Variants in DPY19L3 observed in about 807,000 individuals in gnomAD.
DPY19L3 encodes protein C-mannosyl-transferase DPY19L3.
Under a neutral mutation model 92.3 loss-of-function variants are expected in DPY19L3, and 51 were observed. That is an observed-to-expected ratio of 0.55 (90% CI 0.44 to 0.70). The LOEUF (loss-of-function observed/expected upper bound fraction) is 0.70, where lower values mean the gene tolerates loss of function less well. Ranked by LOEUF, DPY19L3 falls within the 30% of genes least tolerant of loss-of-function variation. The pLI, the probability that DPY19L3 is intolerant of heterozygous loss-of-function variation, is 0.00. For synonymous variants in DPY19L3, 309 were observed against 315.2 expected (o/e 0.98, Z 0.21); for missense variants, 706 against 855.9 (o/e 0.82, Z 2.18).
intron 3 of DPY19L3, among the ~76,000 whole-genome samples, chr19:32,416,702 T>TGGAGTCA (rs1968390508): frequency 6.6e-6 from 1 of 152,238 alleles, no homozygotes; most frequent in Admixed American, 6.5e-5. Flanking sequence ...CTTTTCCCCA[T>TGGAGTCA]GGAGTCAGGC....
intron 15 of DPY19L3, chr19:32,468,290 A>T: frequency 1.0e-6 from 1 of 986,518 alleles, no homozygotes; most frequent in South Asian, 4.7e-5. Flanking sequence ...TTTTTGCAGC[A>T]GTAAAATGGC....
intron 8 of DPY19L3, among the ~76,000 whole-genome samples, chr19:32,448,370 A>G (rs1229489722): frequency 1.3e-5 from 2 of 152,160 alleles, no homozygotes; most frequent in African/African-American, 2.4e-5. Flanking sequence ...TATACAGTTG[A>G]CCCTTAAACA....
intron 4 of DPY19L3, among the ~76,000 whole-genome samples, chr19:32,433,754 C>T (rs1383375859): frequency 3.9e-5 from 6 of 152,148 alleles, no homozygotes; most frequent in Non-Finnish European, 7.3e-5. Context: ...GTAGTTTTAT[C>T]ACCTAGGAGA....
In DPY19L3 at chr19:32,405,868, T is replaced by G. The variant is rs1187595915; in HGVS notation, c.-79T>G. ...TTCCCGCCTAGCCCCGTCGGCCTCC[T>G]TCCCCTCCCGGAGCCGCGCGTGAGG... On this transcript the variant is annotated 5_prime_UTR_variant, in exon 1 of 19. Coordinates refer to ENST00000392250, the MANE Select transcript of DPY19L3 (RefSeq NM_001172774.2). 6.6e-6 allele frequency: 1 copy of G among 151,932 alleles called. No homozygotes were observed. The highest frequency in any genetic ancestry group is 1.5e-5 in the Non-Finnish European group (1 of 68,042). 9.4% of individuals were successfully genotyped at this position (151,932 alleles called of 1,614,324 possible).
At position 32,480,207 on chromosome 19, in the gene DPY19L3, C is replaced by T. The variant is rs141948318; in HGVS notation, c.1831-192C>T. On this transcript the variant is annotated intron_variant, in intron 17 of 18. Coordinates refer to ENST00000392250, the MANE Select transcript of DPY19L3 (RefSeq NM_001172774.2). ...CTCACTCTCTTCCCAAGGCCGAGCA[C>T]TCACAGCGTTCTGGGAACTTCCACG... 1.5e-4 allele frequency among the ~76,000 whole-genome samples: 23 copies of T among 152,358 alleles called. No homozygotes were observed. The East Asian group carries it at 4.4e-3, about 29-fold the overall frequency.
chr19:32,432,921 C>T (rs958436859), intron 4 of DPY19L3, 115 bp downstream of exon 4: 26 of 766,856 alleles, frequency 3.4e-5, no homozygotes, highest in East Asian at 2.8e-5. Flanking sequence ...TGTATTTTTC[C>T]GTGCTAATGT....
Position 32,439,121 on chromosome 19 carries a change from C to A in DPY19L3, c.606C>A (p.Thr202=), listed in dbSNP as rs755035731. The change falls in exon 7 of 19, where the codon ACC becomes ACA. Residue 202 remains threonine, a synonymous_variant. Coordinates refer to ENST00000392250, the MANE Select transcript of DPY19L3 (RefSeq NM_001172774.2). ...GTTTTCTTTTGTGCAGAATAGATACCACAAGAGTTGAGTTTACCATCCCAC... is the reference window on the plus strand; with the variant it reads ...GTTTTCTTTTGTGCAGAATAGATACAACAAGAGTTGAGTTTACCATCCCAC... The part of the protein sequence containing the change: ...AFWYVTNRID[T]TRVEFTIPLR... 1 of 1,612,122 alleles carries A rather than the reference C, an allele frequency of 6.2e-7. No homozygotes were observed. The highest frequency in any genetic ancestry group is 1.7e-5 in the Admixed American group (1 of 59,792).
Position 32,483,468 on chromosome 19 carries a change from C to T in DPY19L3, c.*1228C>T, listed in dbSNP as rs1026146088. On this transcript the variant is annotated 3_prime_UTR_variant, in exon 19 of 19. Transcript: ENST00000392250. ...GAACATAGTATGCATTTAATTAAAT[C>T]AAGATGGCTAATGGAATTAACTTTC... 4 of 152,570 alleles carry T rather than the reference C, an allele frequency of 2.6e-5. No homozygotes were observed. The highest frequency in any genetic ancestry group is 2.6e-4 in the Admixed American group (4 of 15,264). 9.5% of individuals were successfully genotyped at this position (152,570 alleles called of 1,614,324 possible).
intron 8 of DPY19L3, among the ~76,000 whole-genome samples, chr19:32,447,830 A>AGAT (rs1969564437): frequency 7.6e-6 from 1 of 131,870 alleles, no homozygotes; most frequent in Non-Finnish European, 1.5e-5. Context: ...ATAGATAGAT[A>AGAT]GATAGATAGA....
At chr19:32,443,781 C>T (rs779791690) in intron 8 of DPY19L3, among the ~76,000 whole-genome samples, 6 of 152,046 alleles carry the variant, frequency 3.9e-5, no homozygotes, top group Non-Finnish European at 7.4e-5. Flanking sequence ...CTTCTTAGGC[C>T]GAGCGCAGTG....
chr19:32,407,610 G>A (rs750883287), intron 1 of DPY19L3, among the ~76,000 whole-genome samples: 2 of 152,108 alleles, frequency 1.3e-5, no homozygotes, highest in Non-Finnish European at 2.9e-5. Context: ...AAGATCAGCC[G>A]GAACTGGAAT....
At chr19:32,423,402 A>ATTT (rs71176123) in intron 3 of DPY19L3, among the ~76,000 whole-genome samples, 3 of 82,230 alleles carry the variant, frequency 3.6e-5, no homozygotes, top group African/African-American at 1.4e-4. Context: ...TGCCCAGCTA[A>ATTT]TTTTTTTTTT....
At chr19:32,424,835 A>G (rs556437919) in intron 3 of DPY19L3, among the ~76,000 whole-genome samples, 2 of 152,346 alleles carry the variant, frequency 1.3e-5, no homozygotes, top group African/African-American at 4.8e-5. Flanking sequence ...TTCAAAACTT[A>G]CTATACAGCC....
chr19:32,439,849 T>C lies in DPY19L3; in HGVS notation c.794T>C (p.Met265Thr). ...ACATGGCAATTTAATCAATTTATGA[T>C]GCTGATGCAAGCATTAGTGCTGTTC... ...SLTWQFNQFM[M>T]LMQALVLFTL... is the part of the protein sequence containing the mutation. The change falls in exon 8 of 19, where the codon ATG becomes ACG. Residue 265 changes from methionine (M) to threonine (T), a missense_variant. Transcript: ENST00000392250. 1.2e-6 allele frequency: 2 copies of C among 1,614,012 alleles called. No individual in the cohort carries two copies. The highest frequency in any genetic ancestry group is 3.3e-5 in the Admixed American group (2 of 60,024).
intron 8 of DPY19L3, among the ~76,000 whole-genome samples, chr19:32,448,820 T>C (rs975142301): frequency 1.3e-5 from 2 of 152,210 alleles, no homozygotes; most frequent in African/African-American, 4.8e-5. Flanking sequence ...ACTGTACTAA[T>C]AGAACTGGGA....
At chr19:32,459,663 G>A (rs923691326) in intron 12 of DPY19L3, among the ~76,000 whole-genome samples, 1 of 152,160 alleles carries the variant, frequency 6.6e-6, no homozygotes, top group Non-Finnish European at 1.5e-5. Flanking sequence ...TACAAAGCAG[G>A]AAGTTCAGTG....
At position 32,439,685 on chromosome 19, in the gene DPY19L3, A is replaced by G. The variant is rs1262749853; in HGVS notation, c.721-91A>G. On this transcript the variant is annotated intron_variant, in intron 7 of 18. Coordinates refer to ENST00000392250, the MANE Select transcript of DPY19L3 (RefSeq NM_001172774.2). ...AGTTTATGGTTTTTCTGTTTGGTTT[A>G]TAGAGATACTGGCTGCTCTTGAGAA... 9.7e-6 allele frequency: 13 copies of G among 1,340,770 alleles called. No homozygotes were observed. In the East Asian group the frequency reaches 1.4e-4, roughly 14 times the overall value. 83.1% of individuals were successfully genotyped at this position (1,340,770 alleles called of 1,614,324 possible). A position where few individuals can be genotyped will look rare whatever the true frequency, so the allele number is the denominator to read the frequency against.
intron 3 of DPY19L3, among the ~76,000 whole-genome samples, chr19:32,430,249 C>T (rs1347378328): frequency 1.3e-5 from 2 of 152,008 alleles, no homozygotes. Context: ...ATTAGGTGGA[C>T]ATAGTGGCAT....
At position 32,410,160 on chromosome 19, in the gene DPY19L3, G is replaced by A. The variant is rs898931264; in HGVS notation, c.104-1079G>A. On this transcript the variant is annotated intron_variant, in intron 2 of 18. Coordinates refer to ENST00000392250, the MANE Select transcript of DPY19L3 (RefSeq NM_001172774.2). Reference sequence around the variant, plus strand: ...TAAGTATAACTCACAGTTTTGATTTGCATTTCTTTAACATTAATGAATTTA... The same window carrying A: ...TAAGTATAACTCACAGTTTTGATTTACATTTCTTTAACATTAATGAATTTA... 2.0e-5 allele frequency among the ~76,000 whole-genome samples: 3 copies of A among 152,126 alleles called. No individual in the cohort carries two copies. The East Asian group carries it at 5.8e-4, about 29-fold the overall frequency.
Sources: allele counts gnomAD v4.1 joint callset (sites outside exome capture counted in the v4.1 genomes callset), GRCh38; gene constraint gnomAD v4.1.1; transcripts MANE v1.5; gene names NCBI Gene and HGNC (gene_info 2026-07-23, HGNC 2026-07-21).